Variants in ANKHD1 observed in about 807,000 individuals in gnomAD.
ANKHD1 encodes ankyrin repeat and KH domain-containing protein 1.
A neutral mutation model predicts 230.5 loss-of-function variants in ANKHD1; 31 were observed. That is an observed-to-expected ratio of 0.13 (90% CI 0.10 to 0.18). The LOEUF (loss-of-function observed/expected upper bound fraction) is 0.18, where lower values mean the gene tolerates loss of function less well. ANKHD1 is among the 10% of genes least tolerant of loss of function. ANKHD1 has a pLI of 1.00. For missense variants in ANKHD1, 2,256 were observed against 3,071.3 expected, an observed-to-expected ratio of 0.73 and a Z score of 6.27; for synonymous variants, 1,074 against 1,117.6, an observed-to-expected ratio of 0.96 and a Z score of 0.78.
chr5:140,405,568 A>G (rs1770370329), intron 1 of ANKHD1, among the ~76,000 whole-genome samples: 1 of 152,186 alleles, frequency 6.6e-6, no homozygotes, highest in Non-Finnish European at 1.5e-5. Flanking sequence ...AAAAATACTC[A>G]TGTAATTGGC....
intron 14 of ANKHD1, among the ~76,000 whole-genome samples, chr5:140,487,867 G>A (rs1449443191): frequency 6.6e-6 from 1 of 152,184 alleles, no homozygotes; most frequent in African/African-American, 2.4e-5. Flanking sequence ...AGGTATGTAA[G>A]TGTATATAAA....
intron 25 of ANKHD1, 27 bp downstream of exon 25, chr5:140,524,267 G>C: frequency 6.5e-7 from 1 of 1,537,960 alleles, no homozygotes; most frequent in Non-Finnish European, 8.7e-7. Context: ...CTGAATTAAC[G>C]ATAAAATTCT....
chr5:140,472,668 G>A (rs1431449002), intron 10 of ANKHD1, among the ~76,000 whole-genome samples: 1 of 152,066 alleles, frequency 6.6e-6, no homozygotes, highest in Admixed American at 6.5e-5. Flanking sequence ...AACTCAGAGT[G>A]ATATTAATAT....
At chr5:140,515,334 T>C (rs1752951858) in intron 24 of ANKHD1, among the ~76,000 whole-genome samples, 1 of 152,156 alleles carries the variant, frequency 6.6e-6, no homozygotes, top group African/African-American at 2.4e-5. Flanking sequence ...CCTAAGTGGT[T>C]TTAACATTGG....
chr5:140,503,383 A>G (rs1706111244), intron 15 of ANKHD1, among the ~76,000 whole-genome samples: 1 of 151,862 alleles, frequency 6.6e-6, no homozygotes, highest in African/African-American at 2.4e-5. Flanking sequence ...AGCACCCACC[A>G]TTTGCTAAAA....
intron 1 of ANKHD1, among the ~76,000 whole-genome samples, chr5:140,430,538 T>C (rs1293110098): frequency 6.6e-6 from 1 of 152,198 alleles, no homozygotes; most frequent in African/African-American, 2.4e-5. Flanking sequence ...TTATCTGTTA[T>C]ATATAGACAT....
intron 1 of ANKHD1, among the ~76,000 whole-genome samples, chr5:140,419,820 TTCTTTCTTTC>T (rs1771772826): frequency 4.0e-5 from 5 of 123,814 alleles, no homozygotes; most frequent in South Asian, 5.4e-4. Context: ...CTTTCTTTCT[TTCTTTCTTTC>T]TTTCTTTTTC....
intron 5 of ANKHD1, among the ~76,000 whole-genome samples, chr5:140,444,073 A>G (rs1176265569): frequency 2.8e-5 from 4 of 142,628 alleles, no homozygotes; most frequent in Non-Finnish European, 6.0e-5. Context: ...CTTGGTTGAG[A>G]TGAAGTCCCC....
Position 140,505,751 on chromosome 5 carries a change from C to T in ANKHD1, c.3290C>T (p.Thr1097Ile), listed in dbSNP as rs753530788. 1.2e-6 allele frequency: 2 copies of T among 1,610,124 alleles called. No individual in the cohort carries two copies. The highest frequency in any genetic ancestry group is 1.7e-6 in the Non-Finnish European group (2 of 1,178,968). ...TTCACACCACTAATCCTGGCAGCAACAGCAGGGCATGTTGGAGTTGTTGAA... is the reference window on the plus strand; with the variant it reads ...TTCACACCACTAATCCTGGCAGCAATAGCAGGGCATGTTGGAGTTGTTGAA... ...KGFTPLILAATAGHVGVVEIL... is the reference protein window; with the variant it reads ...KGFTPLILAAIAGHVGVVEIL... Residue 1097 changes from threonine to isoleucine, a missense_variant, in exon 18 of 34, where the codon ACA (threonine) becomes ATA (isoleucine). By Grantham distance (89) the Thr-to-Ile change is moderately conservative (BLOSUM62 -1). Transcript: ENST00000360839.
chr5:140,447,212 T>A (rs1483840267), intron 6 of ANKHD1, among the ~76,000 whole-genome samples: 1 of 151,526 alleles, frequency 6.6e-6, no homozygotes, highest in South Asian at 2.1e-4. Flanking sequence ...CTATTTTTTA[T>A]TATTTTTAGA....
chr5:140,513,333 A>G (rs745880158), intron 23 of ANKHD1, 30 bp from the exon 24 acceptor site: 5 of 1,577,600 alleles, frequency 3.2e-6, no homozygotes, highest in South Asian at 1.2e-5. Flanking sequence ...CTTTCATTAT[A>G]TATTTACATA....
At chr5:140,524,503 A>C (rs1432059347) in intron 25 of ANKHD1, among the ~76,000 whole-genome samples, 3 of 152,240 alleles carry the variant, frequency 2.0e-5, no homozygotes, top group Non-Finnish European at 4.4e-5. Context: ...TATATACTAA[A>C]AGCAATACAG....
chr5:140,449,104 G>T, intron 6 of ANKHD1, 107 bp from the exon 7 acceptor site: 2 of 1,150,658 alleles, frequency 1.7e-6, no homozygotes, highest in Non-Finnish European at 2.4e-6. Context: ...TGCAAAATAA[G>T]TTATCAAATT....
intron 24 of ANKHD1, among the ~76,000 whole-genome samples, chr5:140,515,298 C>T (rs1280256009): frequency 6.6e-6 from 1 of 151,952 alleles, no homozygotes; most frequent in African/African-American, 2.4e-5. Context: ...AAAAAAATCC[C>T]ATTTTACCAA....
chr5:140,449,530 C>T (rs1312300992), intron 7 of ANKHD1, among the ~76,000 whole-genome samples: 6 of 151,856 alleles, frequency 4.0e-5, no homozygotes, highest in Admixed American at 2.0e-4. Flanking sequence ...GGGTATGGGG[C>T]GGGTGCCTGT....
intron 1 of ANKHD1, among the ~76,000 whole-genome samples, chr5:140,424,219 TAGAGAGAGAG>T (rs146480393): frequency 1.3e-5 from 2 of 149,550 alleles, no homozygotes; most frequent in Non-Finnish European, 3.0e-5. Flanking sequence ...TATATATATA[TAGAGAGAGAG>T]AGAGAGAGAG....
At chr5:140,404,665 C>A (rs1770270440) in intron 1 of ANKHD1, among the ~76,000 whole-genome samples, 1 of 151,694 alleles carries the variant, frequency 6.6e-6, no homozygotes, top group Non-Finnish European at 1.5e-5. Flanking sequence ...AAACTCCTGA[C>A]CTCAGGTGAT....
At chr5:140,484,996 C>A in intron 11 of ANKHD1, 125 bp from the exon 12 acceptor site, 1 of 1,365,142 alleles carries the variant, frequency 7.3e-7, no homozygotes, top group Admixed American at 2.8e-5. Flanking sequence ...TCAAACTATA[C>A]ACTTAATGAT....
At chr5:140,418,006 G>GT (rs1315566624) in intron 1 of ANKHD1, among the ~76,000 whole-genome samples, 1 of 150,718 alleles carries the variant, frequency 6.6e-6, no homozygotes, top group Non-Finnish European at 1.5e-5. Context: ...CGCCCGGCTA[G>GT]TTTTTTTGTA....
Sources: allele counts gnomAD v4.1 joint callset (sites outside exome capture counted in the v4.1 genomes callset), GRCh38; gene constraint gnomAD v4.1.1; transcripts MANE v1.5; gene names NCBI Gene and HGNC (gene_info 2026-07-23, HGNC 2026-07-21).